The following RIC1 variants were observed in gnomAD, a reference collection of about 807,000 sequenced individuals.
The protein encoded by RIC1 is guanine nucleotide exchange factor subunit RIC1.
A neutral mutation model predicts 169.0 loss-of-function variants in RIC1; 88 were observed. The observed-to-expected ratio is 0.52, with a 90% CI of 0.44 to 0.62. RIC1 has a LOEUF of 0.62. RIC1 is among the 20% of genes least tolerant of loss of function. The pLI is 0.00. For missense variants in RIC1, 1,877 were observed against 1,725.5 expected, an observed-to-expected ratio of 1.09 and a Z score of -1.56; for synonymous variants, 790 against 601.5, an observed-to-expected ratio of 1.31 and a Z score of -4.59.
chr9:5,658,868 T>C (rs1437051882), intron 2 of RIC1, among the ~76,000 whole-genome samples: 1 of 151,634 alleles, frequency 6.6e-6, no homozygotes, highest in Admixed American at 6.6e-5. Context: ...TTTCTTTACT[T>C]GAAGGACCAC....
chr9:5,707,392 T>C (rs192498408), intron 3 of RIC1, among the ~76,000 whole-genome samples: 2 of 152,154 alleles, frequency 1.3e-5, no homozygotes, highest in African/African-American at 4.8e-5. Context: ...TAGGTCTAAG[T>C]GGTTTATATA....
intron 12 of RIC1, among the ~76,000 whole-genome samples, chr9:5,747,871 A>T (rs531518554): frequency 6.6e-6 from 1 of 152,340 alleles, no homozygotes; most frequent in South Asian, 2.1e-4. Context: ...AAGTGGCAAC[A>T]TCAGCTAGTA....
chr9:5,753,462 C>T lies in RIC1; in HGVS notation c.1492-74C>T. The T allele has an allele frequency of 6.4e-6, 6 of 932,286 alleles. No individual in the cohort carries two copies. In the South Asian group the frequency reaches 7.6e-5, roughly 12 times the overall value. 57.8% of individuals were successfully genotyped at this position (932,286 alleles called of 1,614,324 possible). ...TTATTAATTGTCTGTTTGCCTGACA[C>T]AATACTAAGCTCTTTATGCCTAATA... On this transcript the variant is annotated intron_variant, in intron 13 of 25. Coordinates refer to ENST00000414202, the MANE Select transcript of RIC1 (RefSeq NM_020829.4).
chr9:5,661,601 G>GA (rs1453782650), intron 2 of RIC1, among the ~76,000 whole-genome samples: 1 of 152,144 alleles, frequency 6.6e-6, no homozygotes. Flanking sequence ...GACCAACTGT[G>GA]AATGGGAGTT....
In RIC1 at chr9:5,629,182, C is replaced by T. The variant is rs1220560498; in HGVS notation, c.-128C>T. ...GGCCCGGCCCGGCCAGGCCAGCGGG[C>T]AGATGCCCCGAGCTGCCGCCGCCGC... On this transcript the variant is annotated 5_prime_UTR_variant, in exon 1 of 26. Transcript: ENST00000414202. The T allele has an allele frequency of 1.1e-6, 1 of 938,734 alleles. No homozygotes were observed. The highest frequency in any genetic ancestry group is 1.4e-6 in the Non-Finnish European group (1 of 710,238). The allele number at this position is 938,734 out of a possible 1,614,324, so 58.2% of individuals were successfully genotyped here.
At chr9:5,656,119 C>T (rs1016723216) in intron 1 of RIC1, among the ~76,000 whole-genome samples, 1 of 152,270 alleles carries the variant, frequency 6.6e-6, no homozygotes, top group African/African-American at 2.4e-5. Flanking sequence ...ATCCGCCCAC[C>T]ATGGCCTCCC....
intron 2 of RIC1, among the ~76,000 whole-genome samples, chr9:5,689,550 G>GT (rs1055157217): frequency 2.4e-4 from 37 of 152,174 alleles, no homozygotes; most frequent in African/African-American, 7.7e-4. Flanking sequence ...TTTGAGTAGA[G>GT]TAAGCGTTTT....
chr9:5,748,703 G>C (rs1311713163), intron 12 of RIC1: 2 of 152,558 alleles, frequency 1.3e-5, no homozygotes, highest in African/African-American at 2.4e-5. Context: ...GTAGAGCAGA[G>C]GATCAAAGAA....
rs764658596 is a variant in RIC1, at chr9:5,757,366, A to G, written c.1907A>G (p.Tyr636Cys). Residue 636 changes from tyrosine to cysteine, a missense_variant, in exon 17 of 26, where the codon TAC becomes TGC. By Grantham distance (194) the Tyr-to-Cys change is radical. This residue lies in a region of RIC1 where 1,104 missense variants were observed against 992.0 expected (regional missense o/e 1.11). Transcript: ENST00000414202. ...QVLQEVSMSR[Y>C]IPHPFLVVSV... ...CTTCAGGAGGTTTCCATGTCACGCT[A>G]CATTCCTCACCCTTTCCTGGTGGTA... 3.7e-6 allele frequency: 6 copies of G among 1,614,066 alleles called. No individual in the cohort carries two copies. Among genetic ancestry groups the G allele is most frequent in the Non-Finnish European group, 5.1e-6 (6 of 1,179,944 alleles).
At chr9:5,715,616 A>C (rs1391465560) in intron 4 of RIC1, among the ~76,000 whole-genome samples, 1 of 152,216 alleles carries the variant, frequency 6.6e-6, no homozygotes, top group Non-Finnish European at 1.5e-5. Flanking sequence ...AATATAAGTC[A>C]GATAAGGCTA....
intron 3 of RIC1, chr9:5,713,194 G>A (rs1362705395): frequency 6.6e-6 from 1 of 152,152 alleles, no homozygotes; most frequent in African/African-American, 2.4e-5. Context: ...ACAGATAACT[G>A]TTAAATTCCA....
rs115842922 is a variant in RIC1 at position 5,744,302 on chromosome 9, G to C, written c.1095+565G>C. Among the ~76,000 whole-genome samples the C allele has an allele frequency of 7.3e-3, 1,105 of 152,080 alleles. 20 individuals carry two copies. Among genetic ancestry groups the C allele is most frequent in the African/African-American group, 0.026 (1,061 of 41,482 alleles). On this transcript the variant is annotated intron_variant, in intron 10 of 25. Transcript: ENST00000414202. ...TGCTCATTGGGCATTTTTCCTGGAGGACATGCACTTGTGCATTACTTGAGG... is the reference window on the plus strand; with the variant it reads ...TGCTCATTGGGCATTTTTCCTGGAGCACATGCACTTGTGCATTACTTGAGG...
At position 5,775,821 on chromosome 9, in the gene RIC1, A is replaced by T. The variant is rs1827552014; in HGVS notation, c.*1575A>T. 1 of 152,162 alleles carries T rather than the reference A, an allele frequency of 6.6e-6. No individual in the cohort carries two copies. The highest frequency in any genetic ancestry group is 2.1e-4 in the South Asian group (1 of 4,828). The allele number at this position is 152,162 out of a possible 1,614,324, so 9.4% of individuals were successfully genotyped here. On this transcript the variant is annotated 3_prime_UTR_variant, in exon 26 of 26. Coordinates refer to ENST00000414202, the MANE Select transcript of RIC1 (RefSeq NM_020829.4). ...ATATTTCACAAAATGAAACTCCCGA[A>T]TGGGTGGAGTATGTGATTATTGGTA... is the stretch of plus-strand genomic sequence containing the variant.
intron 7 of RIC1, among the ~76,000 whole-genome samples, chr9:5,736,922 A>T (rs1824747563): frequency 6.6e-6 from 1 of 151,976 alleles, no homozygotes; most frequent in South Asian, 2.1e-4. Flanking sequence ...GAGAAGAGGT[A>T]GGACCTGGAT....
intron 1 of RIC1, among the ~76,000 whole-genome samples, chr9:5,644,584 G>A (rs759132840): frequency 6.6e-6 from 1 of 152,144 alleles, no homozygotes; most frequent in Admixed American, 6.5e-5. Context: ...CTATGTCCAT[G>A]TGGTAGTATT....
chr9:5,665,285 A>G (rs866231072), intron 2 of RIC1, among the ~76,000 whole-genome samples: 1 of 152,126 alleles, frequency 6.6e-6, no homozygotes, highest in Admixed American at 6.5e-5. Flanking sequence ...GTCTCCCACT[A>G]TTATTGTGTG....
chr9:5,768,790 G>A (rs1163276394), intron 21 of RIC1, among the ~76,000 whole-genome samples, 180 bp from the exon 22 acceptor site: 1 of 152,122 alleles, frequency 6.6e-6, no homozygotes, highest in Non-Finnish European at 1.5e-5. Flanking sequence ...AGCCTTCTGT[G>A]TTCCGAGGGT....
chr9:5,761,023 G>A (rs1826296692), intron 17 of RIC1, among the ~76,000 whole-genome samples: 1 of 151,254 alleles, frequency 6.6e-6, no homozygotes, highest in Admixed American at 6.6e-5. Context: ...CAAAAGCTCA[G>A]GTGATGGCCC....
chr9:5,631,395 G>C lies in RIC1; in HGVS notation c.144+1942G>C, dbSNP rs576649052. On this transcript the variant is annotated intron_variant, in intron 1 of 25. Transcript: ENST00000414202. ...GGAATACCTTAGAGGAGGCTGTATA[G>C]TACTGTAGTATGAGTGGTTAACCTT... 1.1e-4 allele frequency among the ~76,000 whole-genome samples: 17 copies of C among 152,228 alleles called. No individual in the cohort carries two copies. The South Asian group carries it at 3.1e-3, about 28-fold the overall frequency.
Sources: gnomAD v4.1 joint callset for allele counts (sites outside exome capture counted in the v4.1 genomes callset) on GRCh38, gnomAD v4.1.1 for gene constraint, gnomAD v4.1.1 regional missense constraint, MANE v1.5 for transcripts, NCBI Gene and HGNC (gene_info 2026-07-23, HGNC 2026-07-21) for gene names.